EPHA6: variants seen among roughly 807,000 people sequenced by gnomAD.
EPHA6 encodes EPH receptor A6.
In EPHA6, 50 loss-of-function variants were observed where a neutral mutation model predicts 112.0. That is an observed-to-expected ratio of 0.45 (90% confidence interval 0.36 to 0.56). EPHA6 has a LOEUF of 0.56. EPHA6 is among the 20% of genes least tolerant of loss of function. The pLI is 0.00. For missense variants in EPHA6, 1,280 were observed against 1,417.4 expected (o/e 0.90, Z 1.56); for synonymous variants, 529 against 490.7 (o/e 1.08, Z -1.03).
intron 1 of EPHA6, among the ~76,000 whole-genome samples, chr3:96,852,998 G>GTAAC (rs2035486770): frequency 1.3e-5 from 2 of 152,068 alleles, no homozygotes; most frequent in East Asian, 3.9e-4. Context: ...CGTGGTCAGA[G>GTAAC]TAACCTATGT....
At position 96,863,518 on chromosome 3, in the gene EPHA6, A is replaced by T. The variant is rs570874890; in HGVS notation, c.386-3307A>T. Reference sequence around the variant, plus strand: ...GCAAATTTGGAATCTTATTTTTTTAAAGAATTTTTAAGAGGTATCATTGCA... The same window carrying T: ...GCAAATTTGGAATCTTATTTTTTTATAGAATTTTTAAGAGGTATCATTGCA... On this transcript the variant is annotated intron_variant, in intron 1 of 17. Transcript: ENST00000389672. Among the ~76,000 whole-genome samples the T allele has an allele frequency of 7.2e-5, 11 of 152,130 alleles. No individual in the cohort carries two copies. The East Asian group carries it at 2.1e-3, about 29-fold the overall frequency.
chr3:97,675,779 A>C (rs182794399), intron 14 of EPHA6, among the ~76,000 whole-genome samples: 2 of 152,332 alleles, frequency 1.3e-5, no homozygotes, highest in African/African-American at 2.4e-5. Context: ...AAAATAGACT[A>C]TCATAGATGT....
At chr3:97,175,446 G>C (rs1378057182) in intron 3 of EPHA6, among the ~76,000 whole-genome samples, 2 of 151,808 alleles carry the variant, frequency 1.3e-5, no homozygotes, top group African/African-American at 2.4e-5. Context: ...TTGGTAGTTT[G>C]ATAGGAATTG....
At chr3:97,170,603 G>T (rs1329316603) in intron 3 of EPHA6, among the ~76,000 whole-genome samples, 1 of 152,090 alleles carries the variant, frequency 6.6e-6, no homozygotes, top group East Asian at 1.9e-4. Context: ...CAGGTGTCAT[G>T]GTGCATGTCT....
intron 6 of EPHA6, chr3:97,447,798 CA>C: frequency 2.0e-6 from 2 of 1,015,242 alleles, no homozygotes; most frequent in Non-Finnish European, 2.4e-6. Context: ...GACTGAGAAC[CA>C]AGCCTCAAGC....
intron 4 of EPHA6, among the ~76,000 whole-genome samples, chr3:97,240,891 G>C (rs1158383739): frequency 6.6e-6 from 1 of 151,734 alleles, no homozygotes; most frequent in African/African-American, 2.4e-5. Flanking sequence ...GATATTTCAT[G>C]GGACTAGAAG....
intron 5 of EPHA6, among the ~76,000 whole-genome samples, chr3:97,386,577 C>T (rs967865190): frequency 2.6e-5 from 4 of 152,204 alleles, no homozygotes; most frequent in African/African-American, 9.6e-5. Flanking sequence ...TTGCAAGGTA[C>T]AGCCCCCTTC....
chr3:97,284,374 G>A (rs1325872147), intron 5 of EPHA6, among the ~76,000 whole-genome samples: 2 of 152,094 alleles, frequency 1.3e-5, no homozygotes, highest in Non-Finnish European at 2.9e-5. Context: ...TTTAAGGAAA[G>A]TAATCCCTCA....
At chr3:97,091,488 A>AT (rs955772459) in intron 3 of EPHA6, among the ~76,000 whole-genome samples, 2 of 152,088 alleles carry the variant, frequency 1.3e-5, no homozygotes, top group Non-Finnish European at 1.5e-5. Context: ...ATTTGTGGAG[A>AT]TTTTTTGCAT....
intron 3 of EPHA6, among the ~76,000 whole-genome samples, chr3:97,090,582 AT>A (rs1199046495): frequency 2.0e-5 from 3 of 152,130 alleles, no homozygotes; most frequent in Non-Finnish European, 4.4e-5. Context: ...ACAAATTCTA[AT>A]TCATTGCCTC....
At chr3:97,417,229 T>G in intron 6 of EPHA6, among the ~76,000 whole-genome samples, 1 of 152,284 alleles carries the variant, frequency 6.6e-6, no homozygotes, top group South Asian at 2.1e-4. Flanking sequence ...ACTGTACACC[T>G]TTCTCTGACC....
At chr3:96,868,193 AGTGT>A (rs35241894) in intron 2 of EPHA6, among the ~76,000 whole-genome samples, 7 of 148,076 alleles carry the variant, frequency 4.7e-5, no homozygotes, top group East Asian at 2.0e-4. Context: ...AGAGAGACAG[AGTGT>A]GTGTGTGTGT....
At chr3:97,267,944 C>T (rs1320341312) in intron 5 of EPHA6, among the ~76,000 whole-genome samples, 1 of 152,144 alleles carries the variant, frequency 6.6e-6, no homozygotes, top group East Asian at 1.9e-4. Flanking sequence ...CTGATTAAGA[C>T]TTCCTTGAAT....
intron 3 of EPHA6, among the ~76,000 whole-genome samples, chr3:97,035,053 CCTGA>C (rs758482761): frequency 2.0e-5 from 3 of 151,766 alleles, no homozygotes; most frequent in Non-Finnish European, 2.9e-5. Context: ...TTTTTAACAC[CCTGA>C]CTTTGTTTTG....
intron 11 of EPHA6, among the ~76,000 whole-genome samples, chr3:97,559,103 G>A (rs778231619): frequency 6.6e-5 from 10 of 151,972 alleles, no homozygotes; most frequent in South Asian, 2.1e-4. Flanking sequence ...GAGGACTTCA[G>A]AGTAAGTAGT....
Position 97,749,018 on chromosome 3 carries a change from A to T in EPHA6, c.*317A>T, listed in dbSNP as rs1369251089. On this transcript the variant is annotated 3_prime_UTR_variant, in exon 18 of 18. Transcript: ENST00000389672. ...GTGTTCACGGACTTAACCTAAAAAAATTTATCCAGGTGGGGCTTCCTTAGT... is the reference window on the plus strand; with the variant it reads ...GTGTTCACGGACTTAACCTAAAAAATTTTATCCAGGTGGGGCTTCCTTAGT... The T allele has an allele frequency of 6.3e-6, 2 of 317,386 alleles. No individual in the cohort carries two copies. The highest frequency in any genetic ancestry group is 1.2e-5 in the Non-Finnish European group (2 of 166,504). 19.7% of individuals were successfully genotyped at this position (317,386 alleles called of 1,614,324 possible).
rs775347563 is a variant in EPHA6 at position 97,452,472 on chromosome 3, G to T, written c.1894+3742G>T. On this transcript the variant is annotated intron_variant, in intron 7 of 17. Coordinates refer to ENST00000389672, the MANE Select transcript of EPHA6 (RefSeq NM_001080448.3). ...CATTTTATGTATTTTCTGATTTCTCGCTGGGCTAAGTGTACAGTTAATATT... is the reference window on the plus strand; with the variant it reads ...CATTTTATGTATTTTCTGATTTCTCTCTGGGCTAAGTGTACAGTTAATATT... 2.0e-5 allele frequency among the ~76,000 whole-genome samples: 3 copies of T among 151,166 alleles called. No individual in the cohort carries two copies. The South Asian group carries it at 6.3e-4, about 32-fold the overall frequency.
At chr3:97,080,273 G>C (rs769768970) in intron 3 of EPHA6, among the ~76,000 whole-genome samples, 3 of 152,034 alleles carry the variant, frequency 2.0e-5, no homozygotes, top group Non-Finnish European at 2.9e-5. Context: ...CTTTCAAATC[G>C]AGCTGCAACA....
intron 3 of EPHA6, among the ~76,000 whole-genome samples, chr3:97,146,711 T>C (rs74424849): frequency 0.093 from 14,150 of 151,916 alleles, 1,045 homozygotes; most frequent in Admixed American, 0.22. Context: ...TCTACCTTTC[T>C]TTGAAAACTC....
Sources: gnomAD v4.1 joint callset for allele counts (sites outside exome capture counted in the v4.1 genomes callset) on GRCh38, gnomAD v4.1.1 for gene constraint, MANE v1.5 for transcripts, NCBI Gene and HGNC (gene_info 2026-07-23, HGNC 2026-07-21) for gene names.